FSTL5: variants seen among roughly 807,000 people sequenced by gnomAD.
FSTL5 encodes the protein follistatin like 5.
A neutral mutation model predicts 89.1 loss-of-function variants in FSTL5; 62 were observed. The observed-to-expected ratio is 0.70, with a 90% CI of 0.57 to 0.86. The LOEUF (loss-of-function observed/expected upper bound fraction) is 0.86. Ranked by LOEUF, FSTL5 falls within the 40% of genes least tolerant of loss-of-function variation. The probability of loss-of-function intolerance (pLI) is 0.00; values close to 1 mark genes in which losing one functional copy is unlikely to be tolerated. For missense variants in FSTL5, 1,057 were observed against 1,001.6 expected (o/e 1.06, Z -0.75); for synonymous variants, 383 against 346.2 (o/e 1.11, Z -1.18).
chr4:161,950,165 C>T (rs1040605488), intron 3 of FSTL5, among the ~76,000 whole-genome samples: 7 of 152,140 alleles, frequency 4.6e-5, no homozygotes, highest in Admixed American at 2.6e-4. Context: ...GCTGATGAGG[C>T]ACATTCTCTT....
chr4:162,148,481 A>G (rs1211917325), intron 1 of FSTL5, among the ~76,000 whole-genome samples: 1 of 152,180 alleles, frequency 6.6e-6, no homozygotes, highest in Non-Finnish European at 1.5e-5. Context: ...ATATATCAAC[A>G]TAATGCTTTA....
chr4:162,070,010 G>A (rs1371885190), intron 2 of FSTL5, among the ~76,000 whole-genome samples: 4 of 151,700 alleles, frequency 2.6e-5, no homozygotes, highest in Admixed American at 6.6e-5. Flanking sequence ...CAATGGCTGA[G>A]TTTCTTTTCT....
intron 3 of FSTL5, among the ~76,000 whole-genome samples, chr4:161,963,428 T>G (rs1352426981): frequency 6.6e-6 from 1 of 151,966 alleles, no homozygotes; most frequent in Non-Finnish European, 1.5e-5. Flanking sequence ...TTGTGCATAA[T>G]GGTTGCTGCA....
intron 7 of FSTL5, among the ~76,000 whole-genome samples, chr4:161,640,099 A>G (rs1435715097): frequency 1.3e-5 from 2 of 152,232 alleles, no homozygotes; most frequent in Non-Finnish European, 2.9e-5. Flanking sequence ...TTCTTAGAAA[A>G]TCTTAAATTT....
chr4:161,651,501 T>A (rs1443627732), intron 7 of FSTL5, among the ~76,000 whole-genome samples: 1 of 151,986 alleles, frequency 6.6e-6, no homozygotes, highest in African/African-American at 2.4e-5. Flanking sequence ...ATGTACTCTT[T>A]GAAACAAATA....
chr4:161,531,795 A>G (rs962149295), intron 10 of FSTL5, among the ~76,000 whole-genome samples: 3 of 152,332 alleles, frequency 2.0e-5, no homozygotes, highest in African/African-American at 7.2e-5. Context: ...ATATCTGCCT[A>G]TAGCTATGCT....
At chr4:161,513,101 C>T (rs1184900991) in intron 10 of FSTL5, among the ~76,000 whole-genome samples, 1 of 151,976 alleles carries the variant, frequency 6.6e-6, no homozygotes, top group Non-Finnish European at 1.5e-5. Flanking sequence ...TACAAATCTT[C>T]AAGCCCATAA....
intron 15 of FSTL5, among the ~76,000 whole-genome samples, chr4:161,441,437 T>C (rs1446127092): frequency 6.6e-6 from 1 of 152,092 alleles, no homozygotes; most frequent in Non-Finnish European, 1.5e-5. Flanking sequence ...TGCCGAAATA[T>C]CAGCCATGAG....
chr4:161,706,739 C>G (rs1429707429), intron 6 of FSTL5, among the ~76,000 whole-genome samples: 1 of 151,924 alleles, frequency 6.6e-6, no homozygotes, highest in African/African-American at 2.4e-5. Context: ...TACACAGCGA[C>G]CTTTTAGGAG....
At chr4:161,516,209 C>T (rs1056859172) in intron 10 of FSTL5, among the ~76,000 whole-genome samples, 3 of 148,540 alleles carry the variant, frequency 2.0e-5, no homozygotes, top group East Asian at 3.9e-4. Flanking sequence ...TGCTTATGTC[C>T]TCAGCTCCTT....
At chr4:162,024,036 A>G (rs1352612682) in intron 3 of FSTL5, among the ~76,000 whole-genome samples, 1 of 152,148 alleles carries the variant, frequency 6.6e-6, no homozygotes, top group African/African-American at 2.4e-5. Flanking sequence ...TTAATTTACT[A>G]GGCCCTGTAA....
chr4:161,816,341 G>A (rs538960824), intron 4 of FSTL5, among the ~76,000 whole-genome samples: 2 of 152,198 alleles, frequency 1.3e-5, no homozygotes, highest in African/African-American at 4.8e-5. Flanking sequence ...TTCATTGGGT[G>A]AAAAACAATT....
intron 2 of FSTL5, among the ~76,000 whole-genome samples, chr4:162,090,533 A>G (rs537720818): frequency 1.1e-4 from 16 of 152,104 alleles, no homozygotes; most frequent in Non-Finnish European, 2.2e-4. Context: ...TCAAAACCAC[A>G]ATCAAGGCCG....
At chr4:162,111,169 T>C in intron 2 of FSTL5, 102 bp downstream of exon 2, 2 of 879,028 alleles carry the variant, frequency 2.3e-6, no homozygotes, top group African/African-American at 1.7e-5. Flanking sequence ...ACTGAAAGCA[T>C]ATTCTGAAAT....
intron 6 of FSTL5, among the ~76,000 whole-genome samples, chr4:161,662,983 A>G (rs971343633): frequency 1.3e-5 from 2 of 152,106 alleles, no homozygotes; most frequent in Non-Finnish European, 2.9e-5. Context: ...AATAAGGAAG[A>G]AGCAAAGGGA....
intron 5 of FSTL5, among the ~76,000 whole-genome samples, chr4:161,762,183 T>C (rs1740832378): frequency 6.6e-6 from 1 of 152,178 alleles, no homozygotes; most frequent in Non-Finnish European, 1.5e-5. Flanking sequence ...GTTTGTTTGT[T>C]TTGAGACGGA....
At chr4:161,747,970 A>G (rs912016011) in intron 6 of FSTL5, among the ~76,000 whole-genome samples, 1 of 152,162 alleles carries the variant, frequency 6.6e-6, no homozygotes, top group Admixed American at 6.5e-5. Flanking sequence ...ACAATGGTAG[A>G]TGGTGCTAAC....
chr4:161,613,649 C>T (rs989467023), intron 7 of FSTL5, among the ~76,000 whole-genome samples: 16 of 152,116 alleles, frequency 1.1e-4, no homozygotes, highest in Admixed American at 9.8e-4. Flanking sequence ...AACACTTGAG[C>T]GAACCCAAAC....
intron 5 of FSTL5, among the ~76,000 whole-genome samples, chr4:161,774,730 G>A (rs1741343504): frequency 9.9e-5 from 15 of 151,318 alleles, no homozygotes; most frequent in Admixed American, 9.2e-4. Flanking sequence ...ATAGATAAAA[G>A]TGCTTAAATT....
Sources: gnomAD v4.1 joint callset for allele counts (sites outside exome capture counted in the v4.1 genomes callset) on GRCh38, gnomAD v4.1.1 for gene constraint, MANE v1.5 for transcripts, NCBI Gene and HGNC (gene_info 2026-07-23, HGNC 2026-07-21) for gene names.